The following KHDRBS2 variants were observed in gnomAD, a reference collection of about 807,000 sequenced individuals.
The protein encoded by KHDRBS2 is KH domain-containing, RNA-binding, signal transduction-associated protein 2.
In KHDRBS2, 26 loss-of-function variants were observed where a neutral mutation model predicts 44.3. The observed-to-expected ratio is 0.59, with a 90% CI of 0.43 to 0.81. The LOEUF (loss-of-function observed/expected upper bound fraction) is 0.81, where lower values mean the gene tolerates loss of function less well. Ranked by LOEUF, KHDRBS2 falls within the 40% of genes least tolerant of loss-of-function variation. The probability of loss-of-function intolerance (pLI) is 0.00; values close to 1 mark genes in which losing one functional copy is unlikely to be tolerated. For synonymous variants in KHDRBS2, 194 were observed against 151.1 expected (o/e 1.28, Z -2.08); for missense variants, 476 against 433.1 (o/e 1.10, Z -0.88).
intron 6 of KHDRBS2, among the ~76,000 whole-genome samples, chr6:61,749,207 G>A (rs1189006893): frequency 6.6e-6 from 1 of 151,560 alleles, no homozygotes; most frequent in African/African-American, 2.4e-5. Flanking sequence ...TAGAGATGGG[G>A]TTCCGCCGTG....
chr6:62,282,545 T>A (rs1183813475), intron 1 of KHDRBS2, among the ~76,000 whole-genome samples: 1 of 152,148 alleles, frequency 6.6e-6, no homozygotes, highest in Non-Finnish European at 1.5e-5. Context: ...AACAGATCTA[T>A]GTCTGTCAGC....
At chr6:62,108,980 G>A (rs1467285390) in intron 2 of KHDRBS2, among the ~76,000 whole-genome samples, 2 of 151,996 alleles carry the variant, frequency 1.3e-5, no homozygotes, top group African/African-American at 4.8e-5. Flanking sequence ...ATAGCATTAG[G>A]AGATATACCT....
intron 6 of KHDRBS2, among the ~76,000 whole-genome samples, chr6:61,830,620 C>A (rs1033130497): frequency 3.9e-5 from 6 of 152,166 alleles, no homozygotes; most frequent in Admixed American, 1.3e-4. Flanking sequence ...ACGAGGCTGG[C>A]AGTCCAACCT....
chr6:61,682,767 C>T (rs1457543331), intron 8 of KHDRBS2, among the ~76,000 whole-genome samples: 1 of 151,698 alleles, frequency 6.6e-6, no homozygotes, highest in Admixed American at 6.6e-5. Flanking sequence ...AGGAATTTAT[C>T]CCCAAACCAT....
chr6:61,597,036 AT>A, the KHDRBS2 span, among the ~76,000 whole-genome samples: 1 of 152,166 alleles, frequency 6.6e-6, no homozygotes, highest in African/African-American at 2.4e-5. Flanking sequence ...TCTAAATATC[AT>A]TTTTTTGCCA....
At chr6:61,561,092 C>T in the KHDRBS2 span, among the ~76,000 whole-genome samples, 2 of 152,066 alleles carry the variant, frequency 1.3e-5, no homozygotes, top group African/African-American at 4.8e-5. Flanking sequence ...AGAAGTCTCA[C>T]CATGGCAGCC....
intron 2 of KHDRBS2, among the ~76,000 whole-genome samples, chr6:62,091,766 G>C (rs1044840677): frequency 2.6e-5 from 4 of 152,126 alleles, no homozygotes; most frequent in Non-Finnish European, 5.9e-5. Context: ...TCCTCGATCT[G>C]CTCCATGAGT....
intron 2 of KHDRBS2, among the ~76,000 whole-genome samples, chr6:62,098,490 T>G (rs1296678103): frequency 1.8e-5 from 2 of 113,726 alleles, no homozygotes; most frequent in African/African-American, 6.5e-5. Context: ...GCCTGTAAGA[T>G]TTCTGCTGAT....
At chr6:61,594,733 A>G in the KHDRBS2 span, among the ~76,000 whole-genome samples, 1 of 152,100 alleles carries the variant, frequency 6.6e-6, no homozygotes, top group African/African-American at 2.4e-5. Flanking sequence ...TCAAATAAAT[A>G]TGTTTACTAT....
intron 2 of KHDRBS2, among the ~76,000 whole-genome samples, chr6:62,142,392 A>G (rs1813021723): frequency 6.6e-6 from 1 of 152,106 alleles, no homozygotes; most frequent in African/African-American, 2.4e-5. Context: ...ACAACCTTCC[A>G]TCTCTCGGAT....
At chr6:62,095,087 G>C in intron 2 of KHDRBS2, among the ~76,000 whole-genome samples, 1 of 151,570 alleles carries the variant, frequency 6.6e-6, no homozygotes. Flanking sequence ...TTTTTTCTCT[G>C]TTTCTATGAA....
chr6:61,566,186 C>T, the KHDRBS2 span, among the ~76,000 whole-genome samples: 1 of 151,968 alleles, frequency 6.6e-6, no homozygotes, highest in Admixed American at 6.6e-5. Flanking sequence ...AGCTAAAAAA[C>T]TTGATCTCAT....
intron 6 of KHDRBS2, among the ~76,000 whole-genome samples, chr6:61,874,522 G>A (rs1260255185): frequency 1.3e-5 from 2 of 152,016 alleles, no homozygotes; most frequent in Admixed American, 6.6e-5. Context: ...TTCCCTATCA[G>A]TAACTAGTCG....
At chr6:62,234,554 T>C (rs1426138160) in intron 1 of KHDRBS2, among the ~76,000 whole-genome samples, 1 of 151,984 alleles carries the variant, frequency 6.6e-6, no homozygotes, top group Non-Finnish European at 1.5e-5. Flanking sequence ...AAAAATACGG[T>C]TTTAAAAATA....
chr6:62,229,078 T>C (rs1832430116), intron 1 of KHDRBS2, among the ~76,000 whole-genome samples: 1 of 152,142 alleles, frequency 6.6e-6, no homozygotes, highest in Admixed American at 6.5e-5. Context: ...TCATCTGGGC[T>C]GCCTGAATTC....
At chr6:61,661,732 T>A in the KHDRBS2 span, among the ~76,000 whole-genome samples, 507 of 151,846 alleles carry the variant, frequency 3.3e-3, 3 homozygotes, top group Non-Finnish European at 5.3e-3. Flanking sequence ...AAACCACTGC[T>A]CAATGAAATA....
At chr6:62,109,292 C>G (rs1372087711) in intron 2 of KHDRBS2, among the ~76,000 whole-genome samples, 1 of 151,842 alleles carries the variant, frequency 6.6e-6, no homozygotes, top group African/African-American at 2.4e-5. Flanking sequence ...TATCCAATAT[C>G]CATTCCTAAT....
At chr6:62,245,790 G>T (rs1835450919) in intron 1 of KHDRBS2, among the ~76,000 whole-genome samples, 1 of 151,906 alleles carries the variant, frequency 6.6e-6, no homozygotes, top group Admixed American at 6.6e-5. Flanking sequence ...CTTTATTACA[G>T]ATCTCTGAAG....
At chr6:62,071,038 G>C (rs1463202051) in intron 2 of KHDRBS2, among the ~76,000 whole-genome samples, 1 of 152,156 alleles carries the variant, frequency 6.6e-6, no homozygotes, top group East Asian at 1.9e-4. Context: ...CATTTAACTG[G>C]TGTGAGATGG....
Sources: gnomAD v4.1 joint callset for allele counts (sites outside exome capture counted in the v4.1 genomes callset) on GRCh38, gnomAD v4.1.1 for gene constraint, MANE v1.5 for transcripts, NCBI Gene and HGNC (gene_info 2026-07-23, HGNC 2026-07-21) for gene names.